Variants in CDH12 observed in about 807,000 individuals in gnomAD.
CDH12 encodes cadherin-12.
In CDH12, 41 loss-of-function variants were observed where a neutral mutation model predicts 74.1. The observed-to-expected ratio is 0.55, with a 90% confidence interval of 0.43 to 0.72. The LOEUF is 0.72. Ranked by LOEUF, CDH12 falls within the 30% of genes least tolerant of loss-of-function variation. CDH12 has a pLI of 0.00. For synonymous variants in CDH12, 399 were observed against 355.0 expected (o/e 1.12, Z -1.39); for missense variants, 945 against 977.2 (o/e 0.97, Z 0.44).
intron 13 of CDH12, among the ~76,000 whole-genome samples, chr5:21,756,635 T>G (rs1309347571): frequency 6.6e-6 from 1 of 152,198 alleles, no homozygotes; most frequent in African/African-American, 2.4e-5. Flanking sequence ...AGCAGAAATT[T>G]TGTTTTATGA....
At chr5:22,797,076 TC>T (rs1347485200) in intron 1 of CDH12, among the ~76,000 whole-genome samples, 1 of 149,582 alleles carries the variant, frequency 6.7e-6, no homozygotes, top group East Asian at 2.1e-4. Context: ...TGTGTCACGC[TC>T]AAATTCCTAT....
At chr5:21,942,398 G>A (rs1276003961) in intron 6 of CDH12, among the ~76,000 whole-genome samples, 3 of 147,152 alleles carry the variant, frequency 2.0e-5, no homozygotes, top group East Asian at 3.9e-4. Context: ...ACATATATAT[G>A]TGTGGGTGTG....
At chr5:22,685,101 T>A (rs1192708554) in intron 1 of CDH12, among the ~76,000 whole-genome samples, 1 of 152,166 alleles carries the variant, frequency 6.6e-6, no homozygotes, top group Non-Finnish European at 1.5e-5. Context: ...TCAGTTTTTG[T>A]TTTTAGTAGC....
chr5:22,196,029 T>C (rs1474086827), intron 4 of CDH12, among the ~76,000 whole-genome samples: 1 of 152,196 alleles, frequency 6.6e-6, no homozygotes. Flanking sequence ...CACGTCTTCA[T>C]TTCTCTATCC....
At chr5:22,035,727 C>A (rs985365282) in intron 5 of CDH12, among the ~76,000 whole-genome samples, 1 of 151,360 alleles carries the variant, frequency 6.6e-6, no homozygotes, top group Non-Finnish European at 1.5e-5. Context: ...CACACACACA[C>A]ACACACACAC....
chr5:21,955,339 A>T (rs1286671946), intron 6 of CDH12, among the ~76,000 whole-genome samples: 1 of 151,932 alleles, frequency 6.6e-6, no homozygotes, highest in Non-Finnish European at 1.5e-5. Flanking sequence ...AGAAAAAGGC[A>T]AATTACTCAA....
intron 6 of CDH12, among the ~76,000 whole-genome samples, chr5:21,959,631 C>T (rs1450520132): frequency 4.6e-5 from 7 of 151,316 alleles, no homozygotes; most frequent in Admixed American, 1.3e-4. Context: ...AAGAAGGGGC[C>T]GGGAGTGGTG....
In CDH12 at chr5:22,003,224, G is replaced by A. The variant is rs535903124; in HGVS notation, c.232-27839C>T. Among the ~76,000 whole-genome samples, 271 of 152,048 alleles carry A rather than the reference G, an allele frequency of 1.8e-3. 2 individuals carry two copies. Among genetic ancestry groups the A allele is most frequent in the African/African-American group, 4.2e-3 (174 of 41,458 alleles). On this transcript the variant is annotated intron_variant, in intron 5 of 14. Coordinates refer to ENST00000382254, the MANE Select transcript of CDH12 (RefSeq NM_004061.5). ...AAAATGTATAAAAAGAACTATAATC[G>A]TCACATTTTCTCCAAGCATTTATGT...
rs887901965 is a variant in CDH12, at chr5:21,816,857, T to A, written c.1002+88A>T. ...AACTCTATTGCTAATTGAAGGAAAA[T>A]TAAAATTACTTGTCATTTTCAATAT... is the stretch of plus-strand genomic sequence containing the variant. On this transcript the variant is annotated intron_variant, in intron 9 of 14. Transcript: ENST00000382254. The A allele has an allele frequency of 4.1e-6, 4 of 984,014 alleles. No individual in the cohort carries two copies. The African/African-American group carries it at 6.8e-5, about 17-fold the overall frequency. The allele number at this position is 984,014 out of a possible 1,614,324, so 61.0% of individuals were successfully genotyped here. A position where few individuals can be genotyped will look rare whatever the true frequency, so the allele number is the denominator to read the frequency against.
chr5:22,019,059 CA>C (rs67162958), intron 5 of CDH12, among the ~76,000 whole-genome samples: 132,902 of 147,532 alleles, frequency 0.9, 61,112 homozygotes, highest in Non-Finnish European at 0.99. Flanking sequence ...GACTGTGTCT[CA>C]AAAAAAAAAA....
chr5:21,846,206 T>A (rs1334638535), intron 7 of CDH12, among the ~76,000 whole-genome samples: 2 of 152,194 alleles, frequency 1.3e-5, no homozygotes. Context: ...GTACACCTGG[T>A]CTGACCAATC....
chr5:22,810,939 A>G, intron 1 of CDH12, among the ~76,000 whole-genome samples: 3 of 148,696 alleles, frequency 2.0e-5, no homozygotes, highest in Admixed American at 6.7e-5. Flanking sequence ...GTATACACAT[A>G]TATACTTACA....
chr5:22,273,254 T>G (rs1736483941), intron 3 of CDH12, among the ~76,000 whole-genome samples: 1 of 152,092 alleles, frequency 6.6e-6, no homozygotes, highest in Non-Finnish European at 1.5e-5. Flanking sequence ...ATAATAATAA[T>G]GAAGACATTA....
At chr5:22,185,503 T>C (rs1376831707) in intron 4 of CDH12, among the ~76,000 whole-genome samples, 2 of 152,172 alleles carry the variant, frequency 1.3e-5, no homozygotes, top group Admixed American at 1.3e-4. Context: ...GAATCCTAAA[T>C]TGGTTGGGAG....
intron 4 of CDH12, among the ~76,000 whole-genome samples, chr5:22,206,021 T>A (rs1354679528): frequency 1.3e-5 from 2 of 151,916 alleles, no homozygotes; most frequent in Admixed American, 1.3e-4. Context: ...TATTTCTCAA[T>A]TTTGACCTGG....
At chr5:22,713,441 G>A (rs528045146) in intron 1 of CDH12, among the ~76,000 whole-genome samples, 6 of 151,834 alleles carry the variant, frequency 4.0e-5, no homozygotes, top group South Asian at 2.1e-4. Flanking sequence ...GCACCCGGCC[G>A]ACCTTAGGCT....
intron 2 of CDH12, among the ~76,000 whole-genome samples, chr5:22,459,786 G>C (rs1445803089): frequency 6.6e-6 from 1 of 152,050 alleles, no homozygotes; most frequent in Non-Finnish European, 1.5e-5. Context: ...TTAATACGGT[G>C]AAACCCCGTC....
chr5:22,148,896 G>A (rs573242056), intron 4 of CDH12, among the ~76,000 whole-genome samples: 6 of 152,208 alleles, frequency 3.9e-5, no homozygotes, highest in South Asian at 2.1e-4. Flanking sequence ...CGAGGCATGC[G>A]GAACACGAGG....
chr5:22,355,174 G>A (rs1297832211), intron 3 of CDH12, among the ~76,000 whole-genome samples: 7 of 51,396 alleles, frequency 1.4e-4, no homozygotes, highest in Admixed American at 5.7e-4. Context: ...CATAATGACT[G>A]TCATTACTAA....
Sources: allele counts gnomAD v4.1 joint callset (sites outside exome capture counted in the v4.1 genomes callset), GRCh38; gene constraint gnomAD v4.1.1; transcripts MANE v1.5; gene names NCBI Gene and HGNC (gene_info 2026-07-23, HGNC 2026-07-21).